The following ROR1 variants were observed in gnomAD, a reference collection of about 807,000 sequenced individuals.
ROR1 encodes the protein ROR family WNT receptor 1, also known as inactive tyrosine-protein kinase transmembrane receptor ROR1.
In ROR1, 19 loss-of-function variants were observed where a neutral mutation model predicts 78.8. The ratio of observed to expected loss-of-function variants is 0.24; its 90% CI spans 0.17 to 0.35. ROR1 has a LOEUF of 0.35. Ranked by LOEUF, ROR1 falls within the 10% of genes least tolerant of loss-of-function variation. The probability of loss-of-function intolerance (pLI) is 1.00; values close to 1 mark genes in which losing one functional copy is unlikely to be tolerated. For missense variants in ROR1, 917 were observed against 1,177.8 expected (o/e 0.78, Z 3.24); for synonymous variants, 386 against 433.6 (o/e 0.89, Z 1.36).
At chr1:63,888,292 C>A (rs1213379645) in intron 1 of ROR1, among the ~76,000 whole-genome samples, 1 of 152,040 alleles carries the variant, frequency 6.6e-6, no homozygotes, top group African/African-American at 2.4e-5. Context: ...GTGCTACCAA[C>A]AGGAAACATG....
At chr1:64,062,736 A>C (rs1646927030) in intron 4 of ROR1, among the ~76,000 whole-genome samples, 1 of 152,214 alleles carries the variant, frequency 6.6e-6, no homozygotes, top group South Asian at 2.1e-4. Flanking sequence ...TTGATTCATC[A>C]CGTCTTGTAC....
chr1:64,121,683 A>G (rs1428592419), intron 4 of ROR1, among the ~76,000 whole-genome samples: 1 of 152,144 alleles, frequency 6.6e-6, no homozygotes, highest in Non-Finnish European at 1.5e-5. Flanking sequence ...TATATTATCC[A>G]CAGAGTCTGC....
chr1:64,069,517 TGTG>T (rs1180402009), intron 4 of ROR1, among the ~76,000 whole-genome samples: 3 of 63,662 alleles, frequency 4.7e-5, no homozygotes, highest in East Asian at 2.5e-4. Context: ...TTGGGTTAAA[TGTG>T]TGTGTGTGTG....
intron 1 of ROR1, among the ~76,000 whole-genome samples, chr1:63,964,684 G>A (rs898581036): frequency 9.2e-5 from 14 of 152,118 alleles, no homozygotes; most frequent in Non-Finnish European, 2.1e-4. Context: ...AAATTAGTTG[G>A]GCTTTTCAAA....
chr1:64,069,931 C>A (rs1646990083), intron 4 of ROR1, among the ~76,000 whole-genome samples: 1 of 152,084 alleles, frequency 6.6e-6, no homozygotes, highest in Non-Finnish European at 1.5e-5. Flanking sequence ...TGATCCTTAC[C>A]ACTGTCTAGT....
At chr1:63,866,538 A>C (rs1645216473) in intron 1 of ROR1, among the ~76,000 whole-genome samples, 1 of 152,120 alleles carries the variant, frequency 6.6e-6, no homozygotes, top group African/African-American at 2.4e-5. Context: ...AATTGGCTGA[A>C]TTTCCTCTTG....
At chr1:64,149,846 T>C (rs1649571773) in intron 7 of ROR1, among the ~76,000 whole-genome samples, 1 of 152,212 alleles carries the variant, frequency 6.6e-6, no homozygotes, top group Non-Finnish European at 1.5e-5. Flanking sequence ...TAGCCCTTTA[T>C]CATTGCTTTT....
chr1:64,117,843 A>G (rs1175426678), intron 4 of ROR1, among the ~76,000 whole-genome samples: 1 of 152,202 alleles, frequency 6.6e-6, no homozygotes. Context: ...CTCAGTCACA[A>G]ACATGATCAC....
intron 1 of ROR1, among the ~76,000 whole-genome samples, chr1:63,988,356 T>C (rs1646268134): frequency 6.6e-6 from 1 of 152,232 alleles, no homozygotes; most frequent in African/African-American, 2.4e-5. Context: ...ATTCATTTAA[T>C]CCAGCCCCTT....
chr1:64,127,601 T>C (rs1474380789), intron 4 of ROR1, among the ~76,000 whole-genome samples: 1 of 152,076 alleles, frequency 6.6e-6, no homozygotes, highest in African/African-American at 2.4e-5. Context: ...CTTGGTTGCT[T>C]CTGGTTTGGG....
intron 4 of ROR1, among the ~76,000 whole-genome samples, chr1:64,102,913 A>C (rs1647619255): frequency 6.6e-6 from 1 of 152,104 alleles, no homozygotes; most frequent in African/African-American, 2.4e-5. Flanking sequence ...CGACAACCAA[A>C]AGTGTCTCCA....
intron 1 of ROR1, among the ~76,000 whole-genome samples, chr1:63,839,247 AAG>A (rs1645035223): frequency 6.6e-6 from 1 of 152,212 alleles, no homozygotes; most frequent in Non-Finnish European, 1.5e-5. Context: ...GGTTTAAAGA[AAG>A]AGACAGCTGA....
intron 4 of ROR1, among the ~76,000 whole-genome samples, chr1:64,110,068 A>G (rs1156762242): frequency 6.6e-6 from 1 of 152,130 alleles, no homozygotes; most frequent in Non-Finnish European, 1.5e-5. Context: ...CATATCACAT[A>G]GCACTATCTG....
At chr1:64,009,411 A>G in intron 2 of ROR1, 35 bp downstream of exon 2, 1 of 1,503,936 alleles carries the variant, frequency 6.6e-7, no homozygotes, top group East Asian at 2.3e-5. Flanking sequence ...AGGCGAGGAA[A>G]GAGGTGTGGA....
intron 7 of ROR1, among the ~76,000 whole-genome samples, chr1:64,147,080 G>A (rs1425512230): frequency 6.6e-6 from 1 of 152,134 alleles, no homozygotes; most frequent in African/African-American, 2.4e-5. Context: ...ATGATGATTG[G>A]TTCCACCTCT....
chr1:64,016,850 T>C (rs978775687), intron 2 of ROR1, among the ~76,000 whole-genome samples: 16 of 151,740 alleles, frequency 1.1e-4, no homozygotes, highest in African/African-American at 9.7e-5. Flanking sequence ...ACAAGCAATA[T>C]CTGGAGTAAT....
chr1:63,962,187 G>C (rs555164055), intron 1 of ROR1, among the ~76,000 whole-genome samples: 1 of 152,158 alleles, frequency 6.6e-6, no homozygotes, highest in African/African-American at 2.4e-5. Flanking sequence ...TTGAGCCCAG[G>C]AGGCAGAGGT....
At chr1:63,854,127 G>A (rs368635497) in intron 1 of ROR1, among the ~76,000 whole-genome samples, 4 of 151,936 alleles carry the variant, frequency 2.6e-5, no homozygotes, top group South Asian at 2.1e-4. Flanking sequence ...AAAATAAAAC[G>A]TTTTCAATGG....
intron 2 of ROR1, among the ~76,000 whole-genome samples, chr1:64,031,505 A>G (rs189670672): frequency 1.1e-4 from 17 of 152,330 alleles, no homozygotes; most frequent in Admixed American, 3.3e-4. Context: ...CCCCAAAAGA[A>G]TTTGGGTCAT....
Sources: allele counts gnomAD v4.1 joint callset (sites outside exome capture counted in the v4.1 genomes callset), GRCh38; gene constraint gnomAD v4.1.1; transcripts MANE v1.5; gene names NCBI Gene and HGNC (gene_info 2026-07-23, HGNC 2026-07-21).